The following LRCH2 variants were observed in gnomAD, a reference collection of about 807,000 sequenced individuals.
The protein encoded by LRCH2 is leucine rich repeats and calponin homology domain containing 2, also known as leucine-rich repeat and calponin homology domain-containing protein 2.
LRCH2 carries 38 observed loss-of-function variants against 68.9 expected under a neutral mutation model. The observed-to-expected ratio is 0.55, with a 90% CI of 0.43 to 0.72. The LOEUF (loss-of-function observed/expected upper bound fraction) is 0.72. Among genes scored for constraint, LRCH2 ranks in the 30% least tolerant of loss-of-function variants. The pLI is 0.00. For synonymous variants in LRCH2, 191 were observed against 208.1 expected (o/e 0.92, Z 0.71); for missense variants, 528 against 572.9 (o/e 0.92, Z 0.80).
chrX:115,148,843 A>G (rs1390767195), intron 14 of LRCH2, among the ~76,000 whole-genome samples: 1 of 111,790 alleles, frequency 8.9e-6, no homozygotes, highest in Non-Finnish European at 1.9e-5. Context: ...GCTTAAATTT[A>G]CCACAGATCC....
intron 1 of LRCH2, among the ~76,000 whole-genome samples, chrX:115,233,099 T>A (rs1389017069): frequency 5.4e-5 from 6 of 112,008 alleles, no homozygotes; most frequent in African/African-American, 2.0e-4. Context: ...AATTTACCAC[T>A]GCAGCAAATA....
chrX:115,172,728 G>C (rs1430579945), intron 5 of LRCH2, among the ~76,000 whole-genome samples: 1 of 103,780 alleles, frequency 9.6e-6, no homozygotes, highest in Non-Finnish European at 1.9e-5. Context: ...GTGGACAAAC[G>C]TATCAAATCA....
At chrX:115,221,448 A>T (rs1243774815) in intron 1 of LRCH2, among the ~76,000 whole-genome samples, 1 of 109,386 alleles carries the variant, frequency 9.1e-6, no homozygotes, top group African/African-American at 3.3e-5. Flanking sequence ...GAAAACACAG[A>T]GGAAAACCAA....
intron 2 of LRCH2, among the ~76,000 whole-genome samples, chrX:115,187,432 T>A (rs2072741255): frequency 8.9e-6 from 1 of 112,294 alleles, no homozygotes; most frequent in African/African-American, 3.2e-5. Flanking sequence ...TTATACTTAC[T>A]GAGTGTTCAT....
At chrX:115,202,212 G>A (rs1556566555) in intron 1 of LRCH2, among the ~76,000 whole-genome samples, 1 of 111,766 alleles carries the variant, frequency 8.9e-6, no homozygotes, top group African/African-American at 3.3e-5. Flanking sequence ...GTCTTTTGCA[G>A]CAACATGGAT....
intron 1 of LRCH2, among the ~76,000 whole-genome samples, chrX:115,211,586 AT>A (rs2073007627): frequency 8.9e-6 from 1 of 112,106 alleles, no homozygotes; most frequent in African/African-American, 3.2e-5. Flanking sequence ...AAAGCTAGTA[AT>A]AACTGACAGC....
At chrX:115,163,509 T>C (rs1230410430) in intron 11 of LRCH2, among the ~76,000 whole-genome samples, 167 bp downstream of exon 11, 4 of 111,570 alleles carry the variant, frequency 3.6e-5, no homozygotes, top group Admixed American at 9.6e-5. Flanking sequence ...GGGATCCGAT[T>C]TCAGATTTTT....
intron 1 of LRCH2, chrX:115,192,892 A>G (rs1556561771): frequency 2.9e-5 from 10 of 347,401 alleles, no homozygotes; most frequent in East Asian, 5.5e-5. Context: ...GTCTTCTTCT[A>G]TTTACAAGTT....
chrX:115,230,060 A>T (rs1375678611), intron 1 of LRCH2, among the ~76,000 whole-genome samples: 1 of 112,355 alleles, frequency 8.9e-6, no homozygotes, highest in Non-Finnish European at 1.9e-5. Context: ...GACAGAGTCA[A>T]CTATGCAAGG....
rs1219631604 is a variant in LRCH2, at chrX:115,166,235, C to A, written c.1086+20G>T. The A allele has an allele frequency of 9.2e-7, 1 of 1,085,503 alleles. No individual in the cohort carries two copies. The highest frequency in any genetic ancestry group is 1.3e-6 in the Non-Finnish European group (1 of 790,864). 89.5% of individuals were successfully genotyped at this position (1,085,503 alleles called of 1,213,427 possible). On this transcript the variant is annotated intron_variant, in intron 7 of 20. Coordinates refer to ENST00000317135, the MANE Select transcript of LRCH2 (RefSeq NM_020871.4). Reference sequence around the variant, plus strand: ...AATAAAATTGTAAAACAGAATGGATCAGCAATAGAAAATACTCACTTCTGT... The same window carrying A: ...AATAAAATTGTAAAACAGAATGGATAAGCAATAGAAAATACTCACTTCTGT...
In LRCH2 at chrX:115,124,003, C is replaced by A; in HGVS notation, c.1792-1G>T. On this transcript the variant is annotated splice_acceptor_variant, in intron 16 of 20. Coordinates refer to ENST00000317135, the MANE Select transcript of LRCH2 (RefSeq NM_020871.4). LOFTEE classifies it high-confidence loss of function. ...AAAAACCATCAGTTCTGTCATATTCCTAAAAAAAAATTAAAAAGTTAAAAA... is the reference window on the plus strand; with the variant it reads ...AAAAACCATCAGTTCTGTCATATTCATAAAAAAAAATTAAAAAGTTAAAAA... 2 of 1,030,686 alleles carry A rather than the reference C, an allele frequency of 1.9e-6. No homozygotes were observed. Among genetic ancestry groups the A allele is most frequent in the Non-Finnish European group, 1.3e-6 (1 of 789,129 alleles). 84.9% of individuals were successfully genotyped at this position (1,030,686 alleles called of 1,213,427 possible).
At chrX:115,145,911 A>G (rs2072378598) in intron 14 of LRCH2, among the ~76,000 whole-genome samples, 1 of 112,149 alleles carries the variant, frequency 8.9e-6, no homozygotes, top group Non-Finnish European at 1.9e-5. Context: ...TACAGCTACC[A>G]TACAATCCAG....
chrX:115,145,963 G>C (rs1556535959), intron 14 of LRCH2, among the ~76,000 whole-genome samples: 1 of 112,033 alleles, frequency 8.9e-6, no homozygotes. Flanking sequence ...AAGGAAATCA[G>C]TATATCAAAG....
chrX:115,203,422 T>C (rs782327313), intron 1 of LRCH2, among the ~76,000 whole-genome samples: 1 of 112,404 alleles, frequency 8.9e-6, no homozygotes, highest in Admixed American at 9.4e-5. Context: ...AGTCCCCAAA[T>C]GTCTTAACTA....
At chrX:115,191,002 A>G (rs1556558546) in intron 1 of LRCH2, 1 of 1,152,804 alleles carries the variant, frequency 8.7e-7, no homozygotes, top group Non-Finnish European at 1.2e-6. Flanking sequence ...TCTGGATGCC[A>G]ACAGCGGAGG....
intron 1 of LRCH2, among the ~76,000 whole-genome samples, chrX:115,223,755 G>GA (rs140221934): frequency 0.032 from 3,074 of 97,069 alleles, 51 homozygotes; most frequent in South Asian, 0.046. Context: ...GTCTCTACTG[G>GA]AAAAAAAAAA....
chrX:115,122,180 C>T (rs782751211), intron 20 of LRCH2, among the ~76,000 whole-genome samples: 1 of 90,063 alleles, frequency 1.1e-5, no homozygotes, highest in African/African-American at 4.2e-5. Context: ...CAGTGAATTA[C>T]AATGGGGTCC....
chrX:115,193,230 A>G (rs1309777894), intron 1 of LRCH2, among the ~76,000 whole-genome samples: 1 of 111,973 alleles, frequency 8.9e-6, no homozygotes, highest in Non-Finnish European at 1.9e-5. Context: ...AAAAAAAAAG[A>G]TACTCTACTG....
chrX:115,219,506 C>G (rs1346993372), intron 1 of LRCH2, among the ~76,000 whole-genome samples: 2 of 111,494 alleles, frequency 1.8e-5, no homozygotes, highest in African/African-American at 6.5e-5. Context: ...AAGACAAGAC[C>G]AAATGGATTC....
Sources: allele counts gnomAD v4.1 joint callset (sites outside exome capture counted in the v4.1 genomes callset), GRCh38; gene constraint gnomAD v4.1.1; transcripts MANE v1.5; gene names NCBI Gene and HGNC (gene_info 2026-07-23, HGNC 2026-07-21).